AVEN: variants seen among roughly 807,000 people sequenced by gnomAD.
AVEN encodes apoptosis and caspase activation inhibitor, also known as cell death regulator Aven.
AVEN carries 41 observed loss-of-function variants against 38.1 expected under a neutral mutation model. The observed-to-expected ratio is 1.08, with a 90% CI of 0.84 to 1.40. The LOEUF is 1.40. AVEN is among the 40% of genes most tolerant of loss of function. The pLI is 0.00. For missense variants in AVEN, 605 were observed against 438.8 expected, an observed-to-expected ratio of 1.38 and a Z score of -3.38; for synonymous variants, 206 against 171.8, an observed-to-expected ratio of 1.20 and a Z score of -1.56.
chr15:34,050,151 G>A (rs1289548586), intron 5 of AVEN, among the ~76,000 whole-genome samples: 1 of 152,018 alleles, frequency 6.6e-6, no homozygotes, highest in Non-Finnish European at 1.5e-5. Flanking sequence ...GCCTCCCAAA[G>A]TGCTGGGATT....
At position 33,866,518 on chromosome 15, in the gene AVEN, A is replaced by AT; in HGVS notation, c.*94dup. 1.2e-6 allele frequency: 1 copy of AT among 845,534 alleles called. No homozygotes were observed. The highest frequency in any genetic ancestry group is 1.6e-5 in the South Asian group (1 of 62,948). The allele number at this position is 845,534 out of a possible 1,614,324, so 52.4% of individuals were successfully genotyped here. On this transcript the variant is annotated 3_prime_UTR_variant, in exon 6 of 6. Coordinates refer to ENST00000306730, the MANE Select transcript of AVEN (RefSeq NM_020371.3). ...ATAATGGAACACACTAGCTTGAGAC[A>AT]TGCTTGTAAACTGGCTGGTCCTGAA... is the stretch of plus-strand genomic sequence containing the variant.
At chr15:33,873,449 T>C (rs982643080) in intron 3 of AVEN, among the ~76,000 whole-genome samples, 7 of 149,192 alleles carry the variant, frequency 4.7e-5, no homozygotes, top group Admixed American at 4.0e-4. Context: ...TGGGATGGTA[T>C]AAGGAACAAC....
upstream of AVEN, among the ~76,000 whole-genome samples, chr15:34,043,241 C>A (rs1048784906): frequency 6.7e-6 from 1 of 148,792 alleles, no homozygotes; most frequent in Non-Finnish European, 1.5e-5. Flanking sequence ...AGCAAGAATC[C>A]GTCTCAAAAA....
chr15:34,042,504 G>A (rs949453421), upstream of AVEN, among the ~76,000 whole-genome samples: 2 of 149,802 alleles, frequency 1.3e-5, no homozygotes, highest in East Asian at 2.0e-4. Context: ...AGGTTCAAGC[G>A]ATTCTCCTGC....
intron 2 of AVEN, among the ~76,000 whole-genome samples, chr15:33,942,544 G>A (rs1436701603): frequency 4.6e-5 from 7 of 151,872 alleles, no homozygotes; most frequent in African/African-American, 9.7e-5. Flanking sequence ...TCCGCCCCCC[G>A]GATTCACGCC....
downstream of AVEN, among the ~76,000 whole-genome samples, chr15:33,863,405 T>G (rs1037911675): frequency 6.6e-6 from 1 of 152,152 alleles, no homozygotes; most frequent in South Asian, 2.1e-4. Context: ...GAACTCAAGA[T>G]CTGGGGCTTA....
intron 2 of AVEN, among the ~76,000 whole-genome samples, chr15:33,984,195 T>A (rs1384186870): frequency 6.6e-6 from 1 of 152,092 alleles, no homozygotes; most frequent in Non-Finnish European, 1.5e-5. Context: ...TTATATAAAA[T>A]AATAATATTA....
At chr15:33,899,271 T>C (rs1892379590) in intron 2 of AVEN, among the ~76,000 whole-genome samples, 1 of 152,054 alleles carries the variant, frequency 6.6e-6, no homozygotes, top group Admixed American at 6.6e-5. Context: ...AGGTAGCAAT[T>C]ACTGATGCTC....
rs1887989374 is a variant in AVEN, at chr15:33,860,989, T to G, written n.2730-1895A>C. Reference sequence around the variant, plus strand: ...AAAAGCATTAGAAAGAAAGTTTTCATTATCCTTCAATTCGATAGAATCATG... The same window carrying G: ...AAAAGCATTAGAAAGAAAGTTTTCAGTATCCTTCAATTCGATAGAATCATG... On this transcript the variant is annotated intron_variant and non_coding_transcript_variant, in intron 11 of 11. Coordinates refer to the AVEN transcript ENST00000675287. 2.8e-6 allele frequency: 3 copies of G among 1,060,638 alleles called. No homozygotes were observed. In the South Asian group the frequency reaches 4.1e-5, roughly 15 times the overall value. The allele number at this position is 1,060,638 out of a possible 1,614,324, so 65.7% of individuals were successfully genotyped here.
intron 2 of AVEN, among the ~76,000 whole-genome samples, chr15:33,966,867 T>C (rs1055772135): frequency 1.3e-5 from 2 of 152,124 alleles, no homozygotes; most frequent in African/African-American, 4.8e-5. Flanking sequence ...ACCTTGACAT[T>C]AATGAAAAAC....
intron 4 of AVEN, chr15:34,064,020 G>C (rs753027422): frequency 6.2e-7 from 1 of 1,614,182 alleles, no homozygotes; most frequent in Non-Finnish European, 8.5e-7. Flanking sequence ...AGTGGTCCTA[G>C]TCAAAGAGAG....
intron 1 of AVEN, among the ~76,000 whole-genome samples, chr15:34,035,729 A>T (rs1209118290): frequency 6.6e-6 from 1 of 152,194 alleles, no homozygotes; most frequent in Non-Finnish European, 1.5e-5. Context: ...ACAGCCCATC[A>T]CAAAGATAAA....
intron 5 of AVEN, among the ~76,000 whole-genome samples, chr15:34,054,434 C>A (rs1289674854): frequency 6.6e-6 from 1 of 152,084 alleles, no homozygotes; most frequent in Non-Finnish European, 1.5e-5. Context: ...AATCTAAATG[C>A]CCATCAACAA....
intron 2 of AVEN, among the ~76,000 whole-genome samples, chr15:33,937,627 A>T (rs1029800987): frequency 1.3e-5 from 2 of 152,134 alleles, no homozygotes; most frequent in Non-Finnish European, 2.9e-5. Flanking sequence ...GTATTTAGAC[A>T]TGGGGCCTTT....
the AVEN span, chr15:33,851,808 A>G: frequency 1.3e-5 from 2 of 152,176 alleles, no homozygotes; most frequent in Non-Finnish European, 2.9e-5. Context: ...GCATGGCTTG[A>G]TTTTTATTTG....
chr15:33,852,743 A>G, the AVEN span: 1 of 275,688 alleles, frequency 3.6e-6, no homozygotes, highest in South Asian at 5.0e-5. Flanking sequence ...AAGGACTTAG[A>G]AACATACAAC....
At chr15:33,924,577 C>A (rs499623) in intron 2 of AVEN, among the ~76,000 whole-genome samples, 5 of 151,848 alleles carry the variant, frequency 3.3e-5, no homozygotes, top group East Asian at 1.9e-4. Context: ...CTGCCACAGC[C>A]TCTCAAAGTG....
At chr15:33,887,565 G>C (rs1597193853) in intron 2 of AVEN, among the ~76,000 whole-genome samples, 1 of 152,134 alleles carries the variant, frequency 6.6e-6, no homozygotes, top group Middle Eastern at 3.4e-3. Flanking sequence ...GCACAACTAT[G>C]TGCCAAACAC....
intron 2 of AVEN, among the ~76,000 whole-genome samples, chr15:33,917,447 T>C (rs866949084): frequency 4.7e-5 from 7 of 147,924 alleles, no homozygotes; most frequent in Non-Finnish European, 8.9e-5. Context: ...CACACATATA[T>C]ACACACACAC....
Sources: gnomAD v4.1 joint callset for allele counts (sites outside exome capture counted in the v4.1 genomes callset) on GRCh38, gnomAD v4.1.1 for gene constraint, MANE v1.5 for transcripts, NCBI Gene and HGNC (gene_info 2026-07-23, HGNC 2026-07-21) for gene names.